The following ZNF407 variants were observed in gnomAD, a reference collection of about 807,000 sequenced individuals.
ZNF407 encodes the protein zinc finger protein 407.
In ZNF407, 17 loss-of-function variants were observed where a neutral mutation model predicts 131.2. The ratio of observed to expected loss-of-function variants is 0.13; its 90% confidence interval spans 0.09 to 0.19. The LOEUF is 0.19. Ranked by LOEUF, ZNF407 falls within the 10% of genes least tolerant of loss-of-function variation. ZNF407 has a pLI of 1.00. For missense variants in ZNF407, 2,681 were observed against 2,830.6 expected, an observed-to-expected ratio of 0.95 and a Z score of 1.20; for synonymous variants, 1,156 against 1,062.0, an observed-to-expected ratio of 1.09 and a Z score of -1.72.
chr18:74,670,712 G>A (rs1037956676), intron 3 of ZNF407, among the ~76,000 whole-genome samples: 2 of 152,142 alleles, frequency 1.3e-5, no homozygotes, highest in African/African-American at 2.4e-5. Flanking sequence ...GAATCTGTGT[G>A]TGTTGCTTAG....
intron 3 of ZNF407, among the ~76,000 whole-genome samples, chr18:74,768,725 G>T (rs1348116085): frequency 6.6e-6 from 1 of 152,076 alleles, no homozygotes; most frequent in Non-Finnish European, 1.5e-5. Flanking sequence ...ATAAGTTGAG[G>T]CTAGTAATAC....
chr18:74,956,231 C>T (rs923077161), intron 8 of ZNF407, among the ~76,000 whole-genome samples: 3 of 151,976 alleles, frequency 2.0e-5, no homozygotes, highest in African/African-American at 4.8e-5. Context: ...ATCCCCACTT[C>T]CTCATCACAT....
intron 3 of ZNF407, among the ~76,000 whole-genome samples, chr18:74,730,161 A>G (rs1395575775): frequency 6.6e-6 from 1 of 152,164 alleles, no homozygotes; most frequent in African/African-American, 2.4e-5. Flanking sequence ...GTGGAAGGAA[A>G]TTGTGCATGG....
chr18:74,800,746 G>A (rs1201111422), intron 4 of ZNF407, among the ~76,000 whole-genome samples: 2 of 152,106 alleles, frequency 1.3e-5, no homozygotes, highest in Non-Finnish European at 2.9e-5. Flanking sequence ...TGCTTCCTAG[G>A]TAGAATGGAA....
chr18:75,039,240 C>T (rs908633534), intron 8 of ZNF407, among the ~76,000 whole-genome samples: 12 of 152,206 alleles, frequency 7.9e-5, no homozygotes, highest in Non-Finnish European at 1.2e-4. Context: ...TTCTTCTAAA[C>T]CTGTTCGATG....
intron 7 of ZNF407, among the ~76,000 whole-genome samples, chr18:74,902,751 T>TAGGG (rs1203133146): frequency 6.6e-6 from 1 of 152,230 alleles, no homozygotes; most frequent in African/African-American, 2.4e-5. Flanking sequence ...AACTGTAGAC[T>TAGGG]TAGGGAGCTC....
intron 1 of ZNF407, among the ~76,000 whole-genome samples, chr18:74,617,185 C>CCATACACATCCAT (rs1983351286): frequency 6.7e-6 from 1 of 149,542 alleles, no homozygotes; most frequent in African/African-American, 2.5e-5. Flanking sequence ...TATCCACACA[C>CCATACACATCCAT]ATCGACACAC....
At chr18:74,799,828 T>C (rs558504586) in intron 4 of ZNF407, among the ~76,000 whole-genome samples, 1 of 152,010 alleles carries the variant, frequency 6.6e-6, no homozygotes, top group African/African-American at 2.4e-5. Context: ...AGTTTACATA[T>C]TCAAACATGT....
At chr18:75,012,286 T>TAGCAGGCTCTGGGGGTATCTACA (rs1568300415) in intron 8 of ZNF407, among the ~76,000 whole-genome samples, 3 of 111,140 alleles carry the variant, frequency 2.7e-5, no homozygotes, top group Non-Finnish European at 4.0e-5. Context: ...ACATAGTGTA[T>TAGCAGGCTCTGGGGGTATCTACA]GTACACATAG....
intron 3 of ZNF407, among the ~76,000 whole-genome samples, chr18:74,671,920 T>A (rs1211340522): frequency 6.6e-6 from 1 of 152,196 alleles, no homozygotes. Flanking sequence ...AGTAGAAAAA[T>A]TCTGGTGTAG....
chr18:74,791,740 A>G (rs1254074932), intron 4 of ZNF407, among the ~76,000 whole-genome samples: 1 of 152,010 alleles, frequency 6.6e-6, no homozygotes, highest in African/African-American at 2.4e-5. Context: ...GCAGCATTCT[A>G]TTTTGCCTTC....
intron 8 of ZNF407, among the ~76,000 whole-genome samples, chr18:75,049,715 G>GT (rs1316751565): frequency 1.3e-5 from 2 of 152,138 alleles, no homozygotes; most frequent in African/African-American, 2.4e-5. Context: ...CCTTCCACAT[G>GT]ATAGTCCTTT....
intron 4 of ZNF407, among the ~76,000 whole-genome samples, chr18:74,827,388 C>T: frequency 6.6e-6 from 1 of 152,042 alleles, no homozygotes; most frequent in East Asian, 1.9e-4. Flanking sequence ...TTTCTTTTCA[C>T]TTTATTTATT....
intron 4 of ZNF407, among the ~76,000 whole-genome samples, chr18:74,830,934 C>T (rs767150250): frequency 1.4e-4 from 22 of 152,110 alleles, no homozygotes; most frequent in Admixed American, 1.3e-4. Flanking sequence ...CCTACCCTTC[C>T]CAGCCTGTCA....
intron 4 of ZNF407, among the ~76,000 whole-genome samples, chr18:74,836,162 C>T (rs1358278549): frequency 6.6e-6 from 1 of 152,134 alleles, no homozygotes; most frequent in Non-Finnish European, 1.5e-5. Context: ...TAGTCATGCA[C>T]GTTTTTTCAG....
chr18:74,680,328 A>G (rs1290164), intron 3 of ZNF407, among the ~76,000 whole-genome samples: 119,428 of 151,362 alleles, frequency 0.79, 47,270 homozygotes, highest in East Asian at 0.9. Context: ...AGAATCACTT[A>G]ATCCCAGGAG....
chr18:74,805,001 A>G (rs978793598), intron 4 of ZNF407, among the ~76,000 whole-genome samples: 1 of 152,244 alleles, frequency 6.6e-6, no homozygotes, highest in African/African-American at 2.4e-5. Flanking sequence ...CCCGACGTGC[A>G]TTCACCATAG....
chr18:74,693,244 T>A (rs1967272435), intron 3 of ZNF407, among the ~76,000 whole-genome samples: 1 of 152,258 alleles, frequency 6.6e-6, no homozygotes, highest in Admixed American at 6.5e-5. Flanking sequence ...AGCTTTCTGA[T>A]GGGCTCGAGA....
At chr18:74,964,983 C>T (rs1461022117) in intron 8 of ZNF407, among the ~76,000 whole-genome samples, 4 of 152,140 alleles carry the variant, frequency 2.6e-5, no homozygotes, top group Non-Finnish European at 5.9e-5. Context: ...TAGAAAGAAC[C>T]TCTTCATTTT....
Sources: gnomAD v4.1 joint callset for allele counts (sites outside exome capture counted in the v4.1 genomes callset) on GRCh38, gnomAD v4.1.1 for gene constraint, MANE v1.5 for transcripts, NCBI Gene and HGNC (gene_info 2026-07-23, HGNC 2026-07-21) for gene names.